The following AGTPBP1 variants were observed in gnomAD, a reference collection of about 807,000 sequenced individuals.
The protein encoded by AGTPBP1 is ATP/GTP binding carboxypeptidase 1.
AGTPBP1 carries 70 observed loss-of-function variants against 143.9 expected under a neutral mutation model. The observed-to-expected ratio is 0.49, with a 90% confidence interval of 0.40 to 0.59. The LOEUF (loss-of-function observed/expected upper bound fraction) is 0.59, where lower values mean the gene tolerates loss of function less well. Ranked by LOEUF, AGTPBP1 falls within the 20% of genes least tolerant of loss-of-function variation. The pLI, the probability that AGTPBP1 is intolerant of heterozygous loss-of-function variation, is 0.00. For missense variants in AGTPBP1, 1,229 were observed against 1,464.5 expected (o/e 0.84, Z 2.62); for synonymous variants, 463 against 500.2 (o/e 0.93, Z 0.99).
intron 25 of AGTPBP1, among the ~76,000 whole-genome samples, chr9:85,560,859 G>C (rs1022778100): frequency 6.6e-6 from 1 of 152,066 alleles, no homozygotes; most frequent in Non-Finnish European, 1.5e-5. Flanking sequence ...AAGATCATAC[G>C]CAAACATAAA....
intron 17 of AGTPBP1, among the ~76,000 whole-genome samples, chr9:85,617,036 T>C (rs1463455592): frequency 1.3e-5 from 2 of 152,118 alleles, no homozygotes; most frequent in African/African-American, 2.4e-5. Flanking sequence ...CCCACAATTA[T>C]TGCATTAAAT....
At chr9:85,630,732 G>A (rs1334282420) in intron 14 of AGTPBP1, among the ~76,000 whole-genome samples, 1 of 151,940 alleles carries the variant, frequency 6.6e-6, no homozygotes, top group Non-Finnish European at 1.5e-5. Flanking sequence ...CATCCACCTT[G>A]GCCTGACAAA....
chr9:85,760,873 C>T, the AGTPBP1 span, among the ~76,000 whole-genome samples: 9 of 152,130 alleles, frequency 5.9e-5, no homozygotes, highest in Admixed American at 2.0e-4. Context: ...AAAACCCCAT[C>T]GTCTCAGCCC....
At chr9:85,729,071 A>G (rs1314002793) in intron 1 of AGTPBP1, among the ~76,000 whole-genome samples, 2 of 152,346 alleles carry the variant, frequency 1.3e-5, no homozygotes, top group East Asian at 1.9e-4. Context: ...ATACAGACCA[A>G]TGGAATGAAA....
intron 11 of AGTPBP1, among the ~76,000 whole-genome samples, chr9:85,653,228 GA>G (rs1833281234): frequency 6.7e-6 from 1 of 150,090 alleles, no homozygotes; most frequent in Non-Finnish European, 1.5e-5. Flanking sequence ...AACATGGGGG[GA>G]GGAAGGAGGA....
At chr9:85,615,095 G>A (rs1830531724) in intron 17 of AGTPBP1, among the ~76,000 whole-genome samples, 2 of 152,126 alleles carry the variant, frequency 1.3e-5, no homozygotes, top group Admixed American at 6.6e-5. Context: ...AATGAATTTA[G>A]TTGTAGCTAC....
chr9:85,714,673 T>C (rs1258597918), intron 1 of AGTPBP1, among the ~76,000 whole-genome samples: 5 of 150,736 alleles, frequency 3.3e-5, no homozygotes, highest in African/African-American at 1.2e-4. Context: ...ATTCTAAGAA[T>C]TACAAATCAA....
chr9:85,670,544 T>C (rs1834418184), intron 7 of AGTPBP1, among the ~76,000 whole-genome samples: 1 of 152,196 alleles, frequency 6.6e-6, no homozygotes, highest in Non-Finnish European at 1.5e-5. Context: ...GTGCTAAACA[T>C]TTTTAATTCT....
chr9:85,734,386 G>A (rs996826964), intron 1 of AGTPBP1, among the ~76,000 whole-genome samples: 1 of 151,294 alleles, frequency 6.6e-6, no homozygotes, highest in Non-Finnish European at 1.5e-5. Context: ...AAGAAGGAAC[G>A]CTTCCTACCT....
chr9:85,582,187 T>G (rs1440776227), intron 23 of AGTPBP1, among the ~76,000 whole-genome samples: 1 of 152,220 alleles, frequency 6.6e-6, no homozygotes, highest in Non-Finnish European at 1.5e-5. Flanking sequence ...AAATTAGAAT[T>G]GATGCAATAC....
the AGTPBP1 span, among the ~76,000 whole-genome samples, chr9:85,804,596 T>G: frequency 6.6e-6 from 1 of 152,196 alleles, no homozygotes; most frequent in Non-Finnish European, 1.5e-5. Context: ...CTAATATTAG[T>G]TGAATCAGGG....
intron 2 of AGTPBP1, among the ~76,000 whole-genome samples, chr9:85,705,701 T>C (rs893677217): frequency 1.3e-5 from 2 of 151,606 alleles, no homozygotes; most frequent in Non-Finnish European, 2.9e-5. Context: ...TTTTTTTGGG[T>C]TTTTTTTGAG....
chr9:85,559,173 G>T (rs929606066), intron 25 of AGTPBP1, among the ~76,000 whole-genome samples: 1 of 152,098 alleles, frequency 6.6e-6, no homozygotes, highest in Non-Finnish European at 1.5e-5. Flanking sequence ...AGTATTTCCA[G>T]CTTTGACCTG....
At chr9:85,788,253 T>C in the AGTPBP1 span, among the ~76,000 whole-genome samples, 14 of 151,908 alleles carry the variant, frequency 9.2e-5, no homozygotes, top group Non-Finnish European at 1.6e-4. Context: ...TACCAGAGAC[T>C]GTTTGAAGTC....
chr9:85,685,557 T>C (rs1315671560), intron 3 of AGTPBP1, among the ~76,000 whole-genome samples: 1 of 151,844 alleles, frequency 6.6e-6, no homozygotes, highest in East Asian at 1.9e-4. Context: ...CCTTCAAAAA[T>C]GGTGAAATAA....
intron 25 of AGTPBP1, among the ~76,000 whole-genome samples, chr9:85,567,658 A>G (rs1827197926): frequency 6.6e-6 from 1 of 152,180 alleles, no homozygotes; most frequent in Non-Finnish European, 1.5e-5. Flanking sequence ...GATGAGAAAT[A>G]CATAGTCATT....
chr9:85,718,799 T>C (rs1415477708), intron 1 of AGTPBP1, among the ~76,000 whole-genome samples: 2 of 152,230 alleles, frequency 1.3e-5, no homozygotes, highest in Non-Finnish European at 2.9e-5. Flanking sequence ...TTTATGGTTT[T>C]AGGTCTTACA....
At chr9:85,579,171 T>C in intron 23 of AGTPBP1, 75 bp from the exon 24 acceptor site, 1 of 1,437,710 alleles carries the variant, frequency 7.0e-7, no homozygotes, top group Non-Finnish European at 9.3e-7. Flanking sequence ...TTAAAAAGTT[T>C]TGATGAAAAC....
intron 25 of AGTPBP1, among the ~76,000 whole-genome samples, chr9:85,555,763 A>G (rs975671426): frequency 4.6e-5 from 7 of 152,234 alleles, no homozygotes; most frequent in Non-Finnish European, 1.0e-4. Flanking sequence ...AGGTGAAATA[A>G]TATGAAATTT....
Sources: allele counts gnomAD v4.1 joint callset (sites outside exome capture counted in the v4.1 genomes callset), GRCh38; gene constraint gnomAD v4.1.1; transcripts MANE v1.5; gene names NCBI Gene and HGNC (gene_info 2026-07-23, HGNC 2026-07-21).